The following LEUTX variants were observed in gnomAD, a reference collection of about 807,000 sequenced individuals.
LEUTX encodes paired-like homeodomain transcription factor LEUTX.
Under a neutral mutation model 4.5 loss-of-function variants are expected in LEUTX, and 5 were observed. The ratio of observed to expected loss-of-function variants is 1.11; its 90% CI spans 0.58 to 2.34. LEUTX has a LOEUF of 2.34. Ranked by LOEUF, LEUTX falls within the 30% of genes most tolerant of loss-of-function variation. The probability of loss-of-function intolerance (pLI) is 0.01; values close to 1 mark genes in which losing one functional copy is unlikely to be tolerated. For synonymous variants in LEUTX, 89 were observed against 85.1 expected (o/e 1.05, Z -0.25); for missense variants, 233 against 239.4 (o/e 0.97, Z 0.18).
At chr19:39,783,788 T>TATTCATGTC (rs112457507) in intron 1 of LEUTX, among the ~76,000 whole-genome samples, 1 of 152,166 alleles carries the variant, frequency 6.6e-6, no homozygotes, top group Admixed American at 6.5e-5. Flanking sequence ...GAGAATTATC[T>TATTCATGTC]ATTCATGTCA....
rs1176829768 is a variant in LEUTX, at chr19:39,786,259, G to GA, written c.*130dup. The GA allele has an allele frequency of 5.4e-6, 4 of 743,506 alleles. No homozygotes were observed. The Admixed American group carries it at 1.0e-4, about 19-fold the overall frequency. 46.1% of individuals were successfully genotyped at this position (743,506 alleles called of 1,614,324 possible). ...GGCTGGGAATTTATCTTTTTCTGTA[G>GA]AAAAAACAATAAAGGAACTCCCCTA... On this transcript the variant is annotated 3_prime_UTR_variant, in exon 3 of 3. Coordinates refer to ENST00000638280, the MANE Select transcript of LEUTX (RefSeq NM_001382345.1).
chr19:39,781,324 G>A (rs1376169340), intron 1 of LEUTX, among the ~76,000 whole-genome samples: 1 of 152,144 alleles, frequency 6.6e-6, no homozygotes, highest in African/African-American at 2.4e-5. Context: ...CCTGAAAATA[G>A]AAACTTTCCT....
At chr19:39,779,376 A>G (rs998397381) in intron 1 of LEUTX, among the ~76,000 whole-genome samples, 1 of 152,174 alleles carries the variant, frequency 6.6e-6, no homozygotes, top group Non-Finnish European at 1.5e-5. Context: ...GATGGGTATA[A>G]AATAGTATGT....
chr19:39,783,898 T>G (rs180681550), intron 1 of LEUTX, among the ~76,000 whole-genome samples: 103 of 152,310 alleles, frequency 6.8e-4, no homozygotes, highest in African/African-American at 2.3e-3. Flanking sequence ...ATTTGTCAAA[T>G]GTATAGATTG....
upstream of LEUTX, chr19:39,776,546 T>C: frequency 2.2e-6 from 1 of 451,756 alleles, no homozygotes; most frequent in South Asian, 1.6e-5. Context: ...CCTCTGAAAG[T>C]AAGGGGAGGG....
chr19:39,778,158 C>A (rs1967826976), upstream of LEUTX, among the ~76,000 whole-genome samples: 1 of 152,084 alleles, frequency 6.6e-6, no homozygotes, highest in Non-Finnish European at 1.5e-5. Context: ...AATAAGGTGC[C>A]TGAAAGGTGG....
intron 1 of LEUTX, among the ~76,000 whole-genome samples, chr19:39,781,225 T>C (rs1967882043): frequency 6.6e-6 from 1 of 152,202 alleles, no homozygotes; most frequent in East Asian, 1.9e-4. Context: ...GAGAAACCCA[T>C]GTGCCCGATC....
upstream of LEUTX, among the ~76,000 whole-genome samples, chr19:39,776,892 G>C (rs895565268): frequency 4.6e-5 from 7 of 152,098 alleles, no homozygotes; most frequent in African/African-American, 1.4e-4. Flanking sequence ...AAGAAAAAAG[G>C]GAAAGAAAGT....
At position 39,785,795 on chromosome 19, in the gene LEUTX, TGAA is replaced by T. The variant is rs1967960526; in HGVS notation, c.262_264del (p.Lys88del). On this transcript the variant is annotated inframe_deletion, in exon 3 of 3. Transcript: ENST00000638280. ...GGGCCAGCAAACCAGACAACTTCAG[TGAA>T]GAAGGAGGAGACTCCCTCAGCCATA... 14 of 1,551,760 alleles carry T rather than the reference TGAA, an allele frequency of 9.0e-6. No individual in the cohort carries two copies. Among genetic ancestry groups the T allele is most frequent in the South Asian group, 1.2e-5 (1 of 84,066 alleles).
In LEUTX at chr19:39,783,883, T is replaced by G. The variant is rs1450643574; in HGVS notation, c.8-644T>G. Among the ~76,000 whole-genome samples the G allele has an allele frequency of 3.3e-5, 5 of 152,308 alleles. No individual in the cohort carries two copies. The East Asian group carries it at 7.7e-4, about 23-fold the overall frequency. On this transcript the variant is annotated intron_variant, in intron 1 of 2. Coordinates refer to ENST00000638280, the MANE Select transcript of LEUTX (RefSeq NM_001382345.1). ...TGAGTTCGTTGCAGATTCTGGATAT[T>G]AGTCATTTGTCAAATGTATAGATTG...
chr19:39,784,582 A>G lies in LEUTX; in HGVS notation c.63A>G (p.Thr21=), dbSNP rs1167057699. 1 of 1,509,654 alleles carries G rather than the reference A, an allele frequency of 6.6e-7. No homozygotes were observed. The highest frequency in any genetic ancestry group is 2.5e-5 in the East Asian group (1 of 40,716). 93.5% of individuals were successfully genotyped at this position (1,509,654 alleles called of 1,614,324 possible). A position where few individuals can be genotyped will look rare whatever the true frequency, so the allele number is the denominator to read the frequency against. Residue 21 remains threonine, a synonymous_variant, in exon 2 of 3, where the codon ACA becomes ACG. Coordinates refer to ENST00000638280, the MANE Select transcript of LEUTX (RefSeq NM_001382345.1). ...PRTRFLSKQL[T]ALRELLEKTM... ...CAAGATTTCTCTCCAAACAACTCAC[A>G]GCATTGAGAGAATTGCTTGAAAAGA...
chr19:39,786,196 CA>C lies in LEUTX; in HGVS notation c.*62del, dbSNP rs1967971091. ...TGACCCACTGAGACATATTTCCACA[CA>C]TCTTTAATGGTTTGACCCCAGTCTA... On this transcript the variant is annotated 3_prime_UTR_variant, in exon 3 of 3. Transcript: ENST00000638280. 9.4e-6 allele frequency: 12 copies of C among 1,281,670 alleles called. No homozygotes were observed. Among genetic ancestry groups the C allele is most frequent in the Middle Eastern group, 3.9e-4 (2 of 5,176 alleles). The allele number at this position is 1,281,670 out of a possible 1,614,324, so 79.4% of individuals were successfully genotyped here.
chr19:39,783,412 A>T (rs1195075714), intron 1 of LEUTX, among the ~76,000 whole-genome samples: 1 of 149,864 alleles, frequency 6.7e-6, no homozygotes, highest in African/African-American at 2.4e-5. Flanking sequence ...ATTGATGGAC[A>T]TTTGGGTTGG....
intron 1 of LEUTX, among the ~76,000 whole-genome samples, chr19:39,782,682 C>T (rs998973): frequency 0.74 from 111,893 of 151,874 alleles, 41,819 homozygotes; most frequent in African/African-American, 0.86. Flanking sequence ...CTTATCCCAT[C>T]TGTGGCTTAA....
upstream of LEUTX, chr19:39,776,758 G>C: frequency 2.3e-6 from 1 of 441,342 alleles, no homozygotes; most frequent in Non-Finnish European, 4.5e-6. Flanking sequence ...GCTCATTCCT[G>C]TAGTCCCAGC....
At chr19:39,780,253 T>C (rs1454241471) in intron 1 of LEUTX, among the ~76,000 whole-genome samples, 1 of 152,196 alleles carries the variant, frequency 6.6e-6, no homozygotes, top group East Asian at 1.9e-4. Flanking sequence ...GATTTTAAAC[T>C]CAAAGCCACA....
At chr19:39,781,624 C>T (rs1001708620) in intron 1 of LEUTX, among the ~76,000 whole-genome samples, 5 of 152,112 alleles carry the variant, frequency 3.3e-5, no homozygotes, top group African/African-American at 1.2e-4. Context: ...CTGGGACCTT[C>T]CCCTGCTGTC....
upstream of LEUTX, among the ~76,000 whole-genome samples, chr19:39,777,218 G>C (rs1015139930): frequency 6.6e-6 from 1 of 152,154 alleles, no homozygotes; most frequent in Non-Finnish European, 1.5e-5. Flanking sequence ...CACATCCTCT[G>C]AATCAGTGCT....
At chr19:39,778,331 A>G (rs190856022), upstream of LEUTX, among the ~76,000 whole-genome samples, 645 of 152,236 alleles carry the variant, frequency 4.2e-3, 8 homozygotes, top group African/African-American at 0.014. Flanking sequence ...AAGATCCCCT[A>G]TGGTTTAGGC....
Sources: gnomAD v4.1 joint callset for allele counts (sites outside exome capture counted in the v4.1 genomes callset) on GRCh38, gnomAD v4.1.1 for gene constraint, MANE v1.5 for transcripts, NCBI Gene and HGNC (gene_info 2026-07-23, HGNC 2026-07-21) for gene names.